CCDC91: variants seen among roughly 807,000 people sequenced by gnomAD.
CCDC91 encodes coiled-coil domain-containing protein 91.
CCDC91 carries 48 observed loss-of-function variants against 63.2 expected under a neutral mutation model. The observed-to-expected ratio is 0.76, with a 90% CI of 0.60 to 0.97. The LOEUF is 0.97. CCDC91 is among the 50% of genes least tolerant of loss of function. The pLI, the probability that CCDC91 is intolerant of heterozygous loss-of-function variation, is 0.00. For synonymous variants in CCDC91, 167 were observed against 165.8 expected (o/e 1.01, Z -0.06); for missense variants, 500 against 494.6 (o/e 1.01, Z -0.10).
At chr12:28,393,800 C>T (rs186259740) in intron 8 of CCDC91, among the ~76,000 whole-genome samples, 5 of 152,164 alleles carry the variant, frequency 3.3e-5, no homozygotes, top group East Asian at 3.9e-4. Flanking sequence ...TCTATGAATT[C>T]GGTGTTGAGC....
intron 12 of CCDC91, among the ~76,000 whole-genome samples, chr12:28,539,675 C>T (rs1034202850): frequency 3.3e-5 from 5 of 152,094 alleles, no homozygotes; most frequent in Non-Finnish European, 7.4e-5. Flanking sequence ...AGAAAATCTC[C>T]TTTACTTGTT....
intron 1 of CCDC91, among the ~76,000 whole-genome samples, chr12:28,251,134 T>A (rs1370760309): frequency 6.6e-6 from 1 of 152,084 alleles, no homozygotes; most frequent in Non-Finnish European, 1.5e-5. Context: ...TGTTAGCAAG[T>A]AGTTTTCCAG....
chr12:28,268,191 G>T (rs1463419867), intron 3 of CCDC91, among the ~76,000 whole-genome samples: 1 of 151,156 alleles, frequency 6.6e-6, no homozygotes, highest in Non-Finnish European at 1.5e-5. Flanking sequence ...AGCCTCCTGA[G>T]TAGCTGGGAT....
intron 3 of CCDC91, among the ~76,000 whole-genome samples, chr12:28,274,678 T>C (rs1948066267): frequency 6.6e-6 from 1 of 152,156 alleles, no homozygotes; most frequent in Middle Eastern, 3.2e-3. Context: ...TTGTGATTTT[T>C]GTACATTGAT....
chr12:28,358,439 G>A (rs1157313779), intron 6 of CCDC91, among the ~76,000 whole-genome samples: 1 of 152,206 alleles, frequency 6.6e-6, no homozygotes, highest in Non-Finnish European at 1.5e-5. Flanking sequence ...GGCCATTCTA[G>A]TTCTTCTTTA....
chr12:28,475,970 G>A (rs1951064722), intron 11 of CCDC91, among the ~76,000 whole-genome samples: 1 of 151,872 alleles, frequency 6.6e-6, no homozygotes. Flanking sequence ...TTTGGGGGTT[G>A]CTTGTTACAG....
chr12:28,311,472 A>G lies in CCDC91; in HGVS notation c.576+3723A>G, dbSNP rs1939318018. 2.6e-5 allele frequency among the ~76,000 whole-genome samples: 4 copies of G among 151,924 alleles called. No homozygotes were observed. The South Asian group carries it at 8.3e-4, about 32-fold the overall frequency. On this transcript the variant is annotated intron_variant, in intron 6 of 12. Coordinates refer to ENST00000536442, the MANE Select transcript of CCDC91 (RefSeq NM_018318.5). Reference sequence around the variant, plus strand: ...CATCGAGGTCATCTATGGGCACTGCATTGTTGCTGGGGCGAGAGTGGAAAT... The same window carrying G: ...CATCGAGGTCATCTATGGGCACTGCGTTGTTGCTGGGGCGAGAGTGGAAAT...
intron 8 of CCDC91, among the ~76,000 whole-genome samples, chr12:28,420,693 C>A (rs970925910): frequency 3.3e-5 from 5 of 150,950 alleles, no homozygotes; most frequent in African/African-American, 1.2e-4. Flanking sequence ...CCCATACTTG[C>A]AATTATAGAT....
intron 6 of CCDC91, among the ~76,000 whole-genome samples, chr12:28,335,852 G>A (rs1461961455): frequency 5.3e-5 from 8 of 150,130 alleles, no homozygotes; most frequent in Admixed American, 3.3e-4. Flanking sequence ...GTTACCATAT[G>A]TTTGGTGGAA....
At chr12:28,365,675 A>T (rs143177875) in intron 7 of CCDC91, among the ~76,000 whole-genome samples, 2,541 of 152,332 alleles carry the variant, frequency 0.017, 25 homozygotes, top group South Asian at 0.029. Context: ...AGTGAGCAAA[A>T]TATTCCAATC....
At chr12:28,443,062 A>G (rs1299649719) in intron 8 of CCDC91, among the ~76,000 whole-genome samples, 1 of 151,988 alleles carries the variant, frequency 6.6e-6, no homozygotes, top group East Asian at 1.9e-4. Context: ...AGTATCCTGT[A>G]TCTGTTAAAG....
At chr12:28,296,870 G>T (rs1329908979) in intron 3 of CCDC91, among the ~76,000 whole-genome samples, 1 of 151,772 alleles carries the variant, frequency 6.6e-6, no homozygotes, top group African/African-American at 2.4e-5. Context: ...TTCCCTACAT[G>T]AGTGATTTTC....
intron 1 of CCDC91, among the ~76,000 whole-genome samples, chr12:28,255,085 G>A (rs1261161347): frequency 6.6e-6 from 1 of 152,036 alleles, no homozygotes; most frequent in Non-Finnish European, 1.5e-5. Context: ...AAAGTTGCTG[G>A]AGTCTGGAAA....
chr12:28,364,740 A>T (rs1194248974), intron 7 of CCDC91, among the ~76,000 whole-genome samples: 1 of 152,216 alleles, frequency 6.6e-6, no homozygotes, highest in Non-Finnish European at 1.5e-5. Context: ...TTATCACATG[A>T]ACTTCTCATG....
chr12:28,269,066 C>G (rs1258929275), intron 3 of CCDC91, among the ~76,000 whole-genome samples: 1 of 152,254 alleles, frequency 6.6e-6, no homozygotes, highest in African/African-American at 2.4e-5. Context: ...CAGATATGCC[C>G]TATGCACATT....
intron 7 of CCDC91, among the ~76,000 whole-genome samples, chr12:28,370,788 A>C (rs969932988): frequency 6.6e-6 from 1 of 151,966 alleles, no homozygotes; most frequent in Non-Finnish European, 1.5e-5. Flanking sequence ...GCAGAAGGCA[A>C]AGGAGAAGCA....
intron 8 of CCDC91, among the ~76,000 whole-genome samples, chr12:28,436,558 C>G (rs1948918411): frequency 6.6e-6 from 1 of 151,642 alleles, no homozygotes; most frequent in Non-Finnish European, 1.5e-5. Flanking sequence ...TAAAATTTTA[C>G]CTACACTTAT....
intron 6 of CCDC91, among the ~76,000 whole-genome samples, chr12:28,360,408 T>G (rs111715230): frequency 3.3e-5 from 5 of 152,170 alleles, no homozygotes; most frequent in Non-Finnish European, 7.4e-5. Flanking sequence ...GAGTTATCCT[T>G]TGCAGTCATT....
In CCDC91 at chr12:28,317,247, A is replaced by AT. The variant is rs1283925203; in HGVS notation, c.576+9501dup. 5.9e-5 allele frequency among the ~76,000 whole-genome samples: 9 copies of AT among 152,104 alleles called. No individual in the cohort carries two copies. In the South Asian group the frequency reaches 1.2e-3, roughly 21 times the overall value. On this transcript the variant is annotated intron_variant, in intron 6 of 12. Transcript: ENST00000536442. ...AGTTTGTGCTTCTATTTTTTAAAAA[A>AT]TTTGTTCTGTAAGGGATTTTTGAGA...
Sources: gnomAD v4.1 joint callset for allele counts (sites outside exome capture counted in the v4.1 genomes callset) on GRCh38, gnomAD v4.1.1 for gene constraint, MANE v1.5 for transcripts, NCBI Gene and HGNC (gene_info 2026-07-23, HGNC 2026-07-21) for gene names.